The following SGCG variants were observed in gnomAD, a reference collection of about 807,000 sequenced individuals.
SGCG encodes the protein sarcoglycan gamma.
In SGCG, 26 loss-of-function variants were observed where a neutral mutation model predicts 29.3. The ratio of observed to expected loss-of-function variants is 0.89; its 90% confidence interval spans 0.65 to 1.23. The LOEUF (loss-of-function observed/expected upper bound fraction) is 1.23. Among genes scored for constraint, SGCG ranks in the 50% most tolerant of loss-of-function variants. The pLI is 0.00. For synonymous variants in SGCG, 145 were observed against 129.7 expected (o/e 1.12, Z -0.80); for missense variants, 353 against 356.0 (o/e 0.99, Z 0.07).
intron 5 of SGCG, among the ~76,000 whole-genome samples, chr13:23,284,912 TG>T (rs1334575463): frequency 6.6e-6 from 1 of 152,204 alleles, no homozygotes; most frequent in Non-Finnish European, 1.5e-5. Flanking sequence ...CTCCAGCCCC[TG>T]TTTGCCTGGA....
chr13:23,169,702 A>G, the SGCG span: 1 of 91,342 alleles, frequency 1.1e-5, no homozygotes, highest in Admixed American at 1.1e-4. Context: ...TCTGTCTCTC[A>G]TACACACACA....
At chr13:23,298,157 A>G (rs2137649474) in intron 6 of SGCG, among the ~76,000 whole-genome samples, 1 of 151,822 alleles carries the variant, frequency 6.6e-6, no homozygotes, top group African/African-American at 2.4e-5. Flanking sequence ...GGAGTTTGAG[A>G]CCACCCTGGC....
intron 5 of SGCG, among the ~76,000 whole-genome samples, chr13:23,280,023 C>T (rs1881248932): frequency 6.6e-6 from 1 of 152,062 alleles, no homozygotes; most frequent in South Asian, 2.1e-4. Flanking sequence ...CCACAACACC[C>T]TGCCACCCTT....
rs563265897 is a variant in SGCG, at chr13:23,304,894, G to T, written c.578+9407G>T. ...TCCACTCGCCTTGGCCTGCCAAAGT[G>T]CTGGGATTACAGAGAAGATATTTTA... On this transcript the variant is annotated intron_variant, in intron 6 of 7. Transcript: ENST00000218867. 3.2e-4 allele frequency among the ~76,000 whole-genome samples: 49 copies of T among 152,340 alleles called. 1 individual carries two copies. The South Asian group carries it at 0.01, about 32-fold the overall frequency.
chr13:23,230,829 G>A (rs182729588), intron 2 of SGCG, among the ~76,000 whole-genome samples: 93 of 152,248 alleles, frequency 6.1e-4, no homozygotes, highest in Admixed American at 3.6e-3. Context: ...GTGTTGAATA[G>A]GAGTGGTAAG....
At position 23,325,138 on chromosome 13, in the gene SGCG, A is replaced by T. The variant is rs1346423888; in HGVS notation, c.*597A>T. 6 of 156,004 alleles carry T rather than the reference A, an allele frequency of 3.8e-5. 1 individual carries two copies. The highest frequency in any genetic ancestry group is 1.2e-4 in the African/African-American group (5 of 41,594). 9.7% of individuals were successfully genotyped at this position (156,004 alleles called of 1,614,324 possible). ...TTAAACTTTCTGTATATAGTCAATA[A>T]GCAATAAAAACCTCATTTTTCAGAG... On this transcript the variant is annotated 3_prime_UTR_variant, in exon 8 of 8. Coordinates refer to ENST00000218867, the MANE Select transcript of SGCG (RefSeq NM_000231.3).
At chr13:23,219,827 CTTTTTTT>C (rs1184090222) in intron 2 of SGCG, among the ~76,000 whole-genome samples, 1 of 99,204 alleles carries the variant, frequency 1.0e-5, no homozygotes, top group Non-Finnish European at 2.0e-5. Context: ...ATTTCTTTTC[CTTTTTTT>C]TTTTTTTTTT....
chr13:23,260,155 C>T (rs1432048588), intron 4 of SGCG, among the ~76,000 whole-genome samples: 1 of 152,102 alleles, frequency 6.6e-6, no homozygotes, highest in Non-Finnish European at 1.5e-5. Context: ...GTTAAAGTCT[C>T]CCATTATTAT....
At chr13:23,322,787 C>G (rs1272616513) in intron 7 of SGCG, among the ~76,000 whole-genome samples, 3 of 120,052 alleles carry the variant, frequency 2.5e-5, no homozygotes, top group African/African-American at 9.5e-5. Flanking sequence ...CCCCCCCCCC[C>G]CCGCCAACAG....
intron 3 of SGCG, among the ~76,000 whole-genome samples, chr13:23,240,288 C>T (rs1313222280): frequency 6.6e-6 from 1 of 152,094 alleles, no homozygotes; most frequent in Non-Finnish European, 1.5e-5. Flanking sequence ...GTTCTAAACA[C>T]TCATGAATCC....
At chr13:23,214,679 A>T (rs1339337628) in intron 2 of SGCG, among the ~76,000 whole-genome samples, 1 of 151,974 alleles carries the variant, frequency 6.6e-6, no homozygotes, top group African/African-American at 2.4e-5. Flanking sequence ...CTGCCATTTG[A>T]TTTTCAGCAG....
rs147188845 is a variant in SGCG, at chr13:23,316,661, G to A, written c.579-3976G>A. Among the ~76,000 whole-genome samples the A allele has an allele frequency of 3.6e-4, 55 of 152,204 alleles. 1 individual carries two copies. In the East Asian group the frequency reaches 9.9e-3, roughly 27 times the overall value. Reference sequence around the variant, plus strand: ...GAATCAAGGGGTGGAAGTGGAAGTGGCACCACTCGCCATCACCCCAGTGAT... The same window carrying A: ...GAATCAAGGGGTGGAAGTGGAAGTGACACCACTCGCCATCACCCCAGTGAT... On this transcript the variant is annotated intron_variant, in intron 6 of 7. Transcript: ENST00000218867.
chr13:23,190,182 C>CAATTAT (rs1331933549), intron 1 of SGCG, among the ~76,000 whole-genome samples: 14 of 151,912 alleles, frequency 9.2e-5, no homozygotes, highest in African/African-American at 3.1e-4. Context: ...CATTATAGAT[C>CAATTAT]AATTATATAA....
intron 3 of SGCG, among the ~76,000 whole-genome samples, chr13:23,243,218 C>T (rs1353574304): frequency 1.3e-5 from 2 of 152,132 alleles, no homozygotes; most frequent in African/African-American, 2.4e-5. Flanking sequence ...TAACAGGAAG[C>T]TGGAGGGGGC....
intron 1 of SGCG, among the ~76,000 whole-genome samples, chr13:23,187,295 A>G (rs1223663382): frequency 6.6e-6 from 1 of 152,142 alleles, no homozygotes; most frequent in Non-Finnish European, 1.5e-5. Flanking sequence ...TTGATGCCCA[A>G]TAGGTCCATC....
chr13:23,284,168 G>A (rs1047555110), intron 5 of SGCG, among the ~76,000 whole-genome samples: 13 of 152,132 alleles, frequency 8.5e-5, no homozygotes, highest in African/African-American at 2.9e-4. Flanking sequence ...CTAGTTTGGG[G>A]AAGTTCTCCT....
intron 6 of SGCG, among the ~76,000 whole-genome samples, chr13:23,312,432 CAT>C (rs1263416334): frequency 4.6e-5 from 7 of 152,164 alleles, no homozygotes; most frequent in Non-Finnish European, 7.4e-5. Flanking sequence ...ATTTTAAAAA[CAT>C]ATTGTTAAAT....
chr13:23,302,495 C>G (rs2137658196), intron 6 of SGCG, among the ~76,000 whole-genome samples: 1 of 151,970 alleles, frequency 6.6e-6, no homozygotes, highest in East Asian at 1.9e-4. Context: ...TTTCAAATAA[C>G]TAAAGGAGAG....
chr13:23,178,668 G>T (rs537702756), upstream of SGCG, among the ~76,000 whole-genome samples: 1 of 152,280 alleles, frequency 6.6e-6, no homozygotes, highest in African/African-American at 2.4e-5. Flanking sequence ...ATTTTCAAAT[G>T]TTGAACTTTC....
Sources: gnomAD v4.1 joint callset for allele counts (sites outside exome capture counted in the v4.1 genomes callset) on GRCh38, gnomAD v4.1.1 for gene constraint, MANE v1.5 for transcripts, NCBI Gene and HGNC (gene_info 2026-07-23, HGNC 2026-07-21) for gene names.